APAF1: variants seen among roughly 807,000 people sequenced by gnomAD.
The protein encoded by APAF1 is apoptotic peptidase activating factor 1.
A neutral mutation model predicts 152.4 loss-of-function variants in APAF1; 91 were observed. The ratio of observed to expected loss-of-function variants is 0.60; its 90% confidence interval spans 0.50 to 0.71. The LOEUF (loss-of-function observed/expected upper bound fraction) is 0.71, where lower values mean the gene tolerates loss of function less well. Among genes scored for constraint, APAF1 ranks in the 30% least tolerant of loss-of-function variants. The probability of loss-of-function intolerance (pLI) is 0.00; values close to 1 mark genes in which losing one functional copy is unlikely to be tolerated. For missense variants in APAF1, 1,283 were observed against 1,472.0 expected (o/e 0.87, Z 2.10); for synonymous variants, 484 against 494.1 (o/e 0.98, Z 0.27).
rs1279676518 is a variant in APAF1 at position 98,735,180 on chromosome 12, AGAG to A, written c.*2620_*2622del. 1 of 398,836 alleles carries A rather than the reference AGAG, an allele frequency of 2.5e-6. No individual in the cohort carries two copies. The allele number at this position is 398,836 out of a possible 1,614,324, so 24.7% of individuals were successfully genotyped here. A position where few individuals can be genotyped will look rare whatever the true frequency, so the allele number is the denominator to read the frequency against. On this transcript the variant is annotated 3_prime_UTR_variant, in exon 27 of 27. Coordinates refer to ENST00000551964, the MANE Select transcript of APAF1 (RefSeq NM_181861.2). ...TCATGGCAGTTCATGCAGTCGGTCA[AGAG>A]GAGGATTTTGTTTTGTAGTTTGCAG...
chr12:98,729,575 G>A (rs1202807916), intron 26 of APAF1, among the ~76,000 whole-genome samples: 2 of 152,174 alleles, frequency 1.3e-5, no homozygotes, highest in Non-Finnish European at 2.9e-5. Flanking sequence ...CATGGCCCAG[G>A]GACTGGGGAC....
At chr12:98,703,567 G>C (rs2097718111) in intron 18 of APAF1, 68 bp downstream of exon 18, 1 of 1,593,586 alleles carries the variant, frequency 6.3e-7, no homozygotes, top group Non-Finnish European at 8.6e-7. Context: ...AGAATGGGCA[G>C]CTTAAACCAT....
chr12:98,686,633 C>T (rs1274855240), intron 15 of APAF1, 115 bp from the exon 16 acceptor site: 2 of 1,049,314 alleles, frequency 1.9e-6, no homozygotes, highest in African/African-American at 3.2e-5. Flanking sequence ...GTGAATTAAA[C>T]ATCATTCTGT....
chr12:98,732,507 A>G lies in APAF1; in HGVS notation c.3688A>G (p.Lys1230Glu), dbSNP rs746482334. The change falls in exon 27 of 27, where the codon AAA becomes GAA. Residue 1230 changes from lysine (K) to glutamate (E), a missense_variant. Coordinates refer to ENST00000551964, the MANE Select transcript of APAF1 (RefSeq NM_181861.2). ...GAAAATACACGTGTCCCCTGACTTC[A>G]AAACATATGTGACTGTGGATAATCT... ...LKKIHVSPDF[K>E]TYVTVDNLGI... The G allele has an allele frequency of 6.3e-7, 1 of 1,585,032 alleles. No homozygotes were observed. The highest frequency in any genetic ancestry group is 8.7e-7 in the Non-Finnish European group (1 of 1,153,498).
intron 16 of APAF1, among the ~76,000 whole-genome samples, chr12:98,693,883 A>C (rs2097707072): frequency 6.6e-6 from 1 of 151,784 alleles, no homozygotes; most frequent in African/African-American, 2.4e-5. Flanking sequence ...ATCTATGGGA[A>C]GTAAATTTTT....
chr12:98,732,436 C>G lies in APAF1; in HGVS notation c.3617C>G (p.Thr1206Ser). The change falls in exon 27 of 27, where the codon ACT becomes AGT. Residue 1206 changes from threonine to serine, a missense_variant. Transcript: ENST00000551964. ...GGYIKWWNVV[T>S]GESSQTFYTN... ...TCTGAACAGTGGTGGAACGTTGTCA[C>G]TGGGGAATCCTCACAGACCTTCTAC... 6.2e-7 allele frequency: 1 copy of G among 1,613,544 alleles called. No homozygotes were observed. Among genetic ancestry groups the G allele is most frequent in the Non-Finnish European group, 8.5e-7 (1 of 1,179,508 alleles).
chr12:98,676,109 T>C (rs963749041), intron 12 of APAF1, among the ~76,000 whole-genome samples: 5 of 152,220 alleles, frequency 3.3e-5, no homozygotes, highest in African/African-American at 9.6e-5. Context: ...ATTTGACATA[T>C]TTACTTGTAC....
intron 7 of APAF1, among the ~76,000 whole-genome samples, chr12:98,665,279 T>TATATATATATATA (rs1491328899): frequency 3.4e-4 from 22 of 65,584 alleles, no homozygotes; most frequent in African/African-American, 1.1e-3. Flanking sequence ...TATATATATA[T>TATATATATATATA]TTTTTTTTTT....
chr12:98,657,346 C>T (rs1406115750), intron 4 of APAF1, among the ~76,000 whole-genome samples: 1 of 152,198 alleles, frequency 6.6e-6, no homozygotes, highest in East Asian at 1.9e-4. Flanking sequence ...ATACTCTTGA[C>T]TCTTTAGTCC....
At chr12:98,688,067 A>G (rs1240028966) in intron 16 of APAF1, among the ~76,000 whole-genome samples, 1 of 152,100 alleles carries the variant, frequency 6.6e-6, no homozygotes, top group Admixed American at 6.6e-5. Flanking sequence ...TCTGCCTTTT[A>G]TATTATTGCT....
At chr12:98,699,357 G>A in intron 16 of APAF1, 51 bp from the exon 17 acceptor site, 2 of 1,558,306 alleles carry the variant, frequency 1.3e-6, no homozygotes, top group Non-Finnish European at 1.8e-6. Flanking sequence ...TTCTAGAAGT[G>A]TGATTATAGA....
intron 1 of APAF1, among the ~76,000 whole-genome samples, chr12:98,647,247 C>T (rs553636414): frequency 9.2e-5 from 13 of 141,266 alleles, no homozygotes; most frequent in Non-Finnish European, 2.0e-4. Context: ...GAAACCCCGT[C>T]TGTACTAAAA....
chr12:98,727,030 A>G (rs1301220604), intron 25 of APAF1, 143 bp from the exon 26 acceptor site: 2 of 698,094 alleles, frequency 2.9e-6, no homozygotes, highest in Non-Finnish European at 4.8e-6. Context: ...ATAAATGGCA[A>G]TATTAGTATC....
In APAF1 at chr12:98,680,909, C is replaced by A. The variant is rs569558395; in HGVS notation, c.2046+507C>A. Among the ~76,000 whole-genome samples the A allele has an allele frequency of 2.0e-5, 3 of 152,176 alleles. No individual in the cohort carries two copies. In the East Asian group the frequency reaches 5.8e-4, roughly 29 times the overall value. Reference sequence around the variant, plus strand: ...GTGTTGCTGCACAAACTTGGGGATTCCTGTTGTAAGATACAATTTTAAAAT... The same window carrying A: ...GTGTTGCTGCACAAACTTGGGGATTACTGTTGTAAGATACAATTTTAAAAT... On this transcript the variant is annotated intron_variant, in intron 14 of 26. Transcript: ENST00000551964.
At chr12:98,716,276 G>A (rs2097734634) in intron 22 of APAF1, among the ~76,000 whole-genome samples, 2 of 152,098 alleles carry the variant, frequency 1.3e-5, no homozygotes, top group Admixed American at 6.5e-5. Context: ...GCTTTTTTCC[G>A]CCTTCCACCT....
chr12:98,732,394 T>G, intron 26 of APAF1, 26 bp from the exon 27 acceptor site: 2 of 1,607,372 alleles, frequency 1.2e-6, no homozygotes, highest in Non-Finnish European at 1.7e-6. Context: ...ACCAATCTAA[T>G]GAGAATTTTA....
At chr12:98,661,055 A>G (rs898165898) in intron 5 of APAF1, among the ~76,000 whole-genome samples, 2 of 152,076 alleles carry the variant, frequency 1.3e-5, no homozygotes, top group Non-Finnish European at 2.9e-5. Context: ...GCTCCCCACC[A>G]CACGCCGGGC....
chr12:98,680,676 A>G (rs898904946), intron 14 of APAF1, among the ~76,000 whole-genome samples: 4 of 152,136 alleles, frequency 2.6e-5, no homozygotes, highest in African/African-American at 9.7e-5. Flanking sequence ...ACAGCCTTCC[A>G]AAGTGTTAGG....
intron 16 of APAF1, among the ~76,000 whole-genome samples, chr12:98,697,427 G>A (rs2153332896): frequency 6.6e-6 from 1 of 152,316 alleles, no homozygotes; most frequent in African/African-American, 2.4e-5. Context: ...GTCTCAAAGT[G>A]ACTAGCATAG....
Sources: gnomAD v4.1 joint callset for allele counts (sites outside exome capture counted in the v4.1 genomes callset) on GRCh38, gnomAD v4.1.1 for gene constraint, MANE v1.5 for transcripts, NCBI Gene and HGNC (gene_info 2026-07-23, HGNC 2026-07-21) for gene names.